Variants in LPXN observed in about 807,000 individuals in gnomAD.
LPXN encodes the protein leupaxin.
In LPXN, 28 loss-of-function variants were observed where a neutral mutation model predicts 45.6. That is an observed-to-expected ratio of 0.61 (90% confidence interval 0.45 to 0.84). The LOEUF is 0.84. Ranked by LOEUF, LPXN falls within the 40% of genes least tolerant of loss-of-function variation. The pLI is 0.00. For missense variants in LPXN, 459 were observed against 475.0 expected (o/e 0.97, Z 0.31); for synonymous variants, 166 against 169.9 (o/e 0.98, Z 0.18).
intron 2 of LPXN, among the ~76,000 whole-genome samples, chr11:58,566,946 T>A (rs1854543784): frequency 6.6e-6 from 1 of 152,170 alleles, no homozygotes. Flanking sequence ...TGCATGGTAG[T>A]GTTCAATATC....
At chr11:58,555,685 C>A (rs1854178976) in intron 3 of LPXN, among the ~76,000 whole-genome samples, 1 of 151,672 alleles carries the variant, frequency 6.6e-6, no homozygotes, top group Admixed American at 6.6e-5. Flanking sequence ...CTAAATAATT[C>A]TTGGGATAAA....
At chr11:58,551,372 TA>T in intron 4 of LPXN, 140 bp from the exon 5 acceptor site, 1 of 598,182 alleles carries the variant, frequency 1.7e-6, no homozygotes, top group Non-Finnish European at 2.5e-6. Context: ...TGGAAAAATC[TA>T]AAATTTCAAC....
At chr11:58,577,826 A>G (rs1854949545), upstream of LPXN, among the ~76,000 whole-genome samples, 1 of 152,090 alleles carries the variant, frequency 6.6e-6, no homozygotes, top group Admixed American at 6.5e-5. Context: ...CATCCAAGTT[A>G]AGCAACCGAC....
intron 7 of LPXN, 31 bp downstream of exon 7, chr11:58,549,755 G>T: frequency 6.2e-7 from 1 of 1,600,032 alleles, no homozygotes; most frequent in Non-Finnish European, 8.6e-7. Context: ...CCACTGGGGT[G>T]TGGGATACAG....
intron 7 of LPXN, 28 bp from the exon 8 acceptor site, chr11:58,528,219 G>T: frequency 6.2e-7 from 1 of 1,606,798 alleles, no homozygotes; most frequent in East Asian, 2.2e-5. Flanking sequence ...GGAATTCACT[G>T]TTGCAGGTTG....
At chr11:58,539,033 G>T (rs560268630) in intron 7 of LPXN, among the ~76,000 whole-genome samples, 1 of 152,092 alleles carries the variant, frequency 6.6e-6, no homozygotes. Context: ...CTATCAGGGC[G>T]CAGTGGCTCC....
chr11:58,537,162 T>C (rs1853578075), intron 7 of LPXN, among the ~76,000 whole-genome samples: 1 of 152,222 alleles, frequency 6.6e-6, no homozygotes, highest in Non-Finnish European at 1.5e-5. Flanking sequence ...CATTACTGGG[T>C]ATATACCCAA....
intron 2 of LPXN, among the ~76,000 whole-genome samples, chr11:58,565,024 G>A (rs1269551991): frequency 6.6e-6 from 1 of 152,184 alleles, no homozygotes; most frequent in African/African-American, 2.4e-5. Context: ...CACAGGGACA[G>A]CAAGTAAAGG....
intron 7 of LPXN, among the ~76,000 whole-genome samples, chr11:58,533,848 G>GA (rs908276931): frequency 9.8e-5 from 14 of 143,484 alleles, no homozygotes; most frequent in African/African-American, 1.3e-4. Flanking sequence ...TAAACGGAAA[G>GA]AAAAAAAAAA....
At chr11:58,540,887 T>C (rs1853696336) in intron 7 of LPXN, among the ~76,000 whole-genome samples, 1 of 151,854 alleles carries the variant, frequency 6.6e-6, no homozygotes. Context: ...GCAAAATAAA[T>C]ACTTTTCAAC....
At position 58,564,284 on chromosome 11, in the gene LPXN, A is replaced by G. The variant is rs114771219; in HGVS notation, c.172-83T>C. ...TGAGGCTTAATGATACCCACAGTTA[A>G]TAGATGTTTGTAGCTTTTAAAGGGG... is the stretch of plus-strand genomic sequence containing the variant. On this transcript the variant is annotated intron_variant, in intron 2 of 8. Transcript: ENST00000395074. 7.2e-3 allele frequency: 6,297 copies of G among 873,988 alleles called. 256 individuals carry two copies. The African/African-American group carries it at 0.093, about 13-fold the overall frequency. 54.1% of individuals were successfully genotyped at this position (873,988 alleles called of 1,614,324 possible).
chr11:58,529,534 C>T (rs186634440), intron 7 of LPXN, among the ~76,000 whole-genome samples: 43 of 149,856 alleles, frequency 2.9e-4, no homozygotes, highest in African/African-American at 8.6e-4. Context: ...GGCGTAAACC[C>T]GGGAGGCAGA....
chr11:58,539,654 CATA>C (rs1853656580), intron 7 of LPXN, among the ~76,000 whole-genome samples: 1 of 152,132 alleles, frequency 6.6e-6, no homozygotes, highest in Admixed American at 6.5e-5. Context: ...TCCATGAGTT[CATA>C]ATGATTTTTT....
intron 2 of LPXN, among the ~76,000 whole-genome samples, chr11:58,570,329 TAAAA>T (rs1170280874): frequency 6.6e-6 from 1 of 150,558 alleles, no homozygotes; most frequent in African/African-American, 2.4e-5. Context: ...ATAAAAAAAA[TAAAA>T]AAAATAAAAA....
In LPXN at chr11:58,527,460, TG is replaced by T; in HGVS notation, c.1154del (p.Pro385HisfsTer6). ...GGCTATGGATCAGTTGGCATTACAG[TG>T]GGAAGAGCTTATTGAAGCAAGGTTG... is the stretch of plus-strand genomic sequence containing the variant. ...YCQPCFNKLF[P>X]L is the part of the protein sequence containing the mutation. On this transcript the variant is annotated frameshift_variant, in exon 9 of 9. Transcript: ENST00000395074. LOFTEE classifies it high-confidence loss of function. 6.2e-7 allele frequency: 1 copy of T among 1,614,200 alleles called. No homozygotes were observed. The highest frequency in any genetic ancestry group is 8.5e-7 in the Non-Finnish European group (1 of 1,180,020).
At chr11:58,542,611 T>C (rs1853763675) in intron 7 of LPXN, among the ~76,000 whole-genome samples, 1 of 152,096 alleles carries the variant, frequency 6.6e-6, no homozygotes, top group African/African-American at 2.4e-5. Flanking sequence ...TTGTTTCCAA[T>C]GTTTGGAACT....
intron 2 of LPXN, among the ~76,000 whole-genome samples, chr11:58,569,852 G>A (rs112121686): frequency 0.014 from 2,121 of 152,284 alleles, 59 homozygotes; most frequent in African/African-American, 0.048. Context: ...ACCCTGAGAA[G>A]ACTTGTCTAT....
intron 3 of LPXN, among the ~76,000 whole-genome samples, chr11:58,558,646 A>G (rs901831334): frequency 2.6e-5 from 4 of 151,748 alleles, no homozygotes; most frequent in African/African-American, 9.7e-5. Context: ...AGGCTCCTGC[A>G]CCTAAAAGAA....
intron 7 of LPXN, among the ~76,000 whole-genome samples, chr11:58,543,337 G>T (rs938363765): frequency 6.6e-6 from 1 of 152,108 alleles, no homozygotes; most frequent in South Asian, 2.1e-4. Context: ...ATCTGCTCCC[G>T]AGTATATTGC....
Sources: allele counts gnomAD v4.1 joint callset (sites outside exome capture counted in the v4.1 genomes callset), GRCh38; gene constraint gnomAD v4.1.1; transcripts MANE v1.5; gene names NCBI Gene and HGNC (gene_info 2026-07-23, HGNC 2026-07-21).